The following FBXO32 variants were observed in gnomAD, a reference collection of about 807,000 sequenced individuals.
The protein encoded by FBXO32 is F-box only protein 32.
A neutral mutation model predicts 48.3 loss-of-function variants in FBXO32; 15 were observed. The observed-to-expected ratio is 0.31, with a 90% CI of 0.21 to 0.48. The LOEUF (loss-of-function observed/expected upper bound fraction) is 0.48. Ranked by LOEUF, FBXO32 falls within the 20% of genes least tolerant of loss-of-function variation. FBXO32 has a pLI of 0.99. For synonymous variants in FBXO32, 154 were observed against 165.9 expected, an observed-to-expected ratio of 0.93 and a Z score of 0.55; for missense variants, 309 against 432.7, an observed-to-expected ratio of 0.71 and a Z score of 2.54.
At chr8:123,515,947 G>A (rs919038757) in intron 4 of FBXO32, among the ~76,000 whole-genome samples, 3 of 152,138 alleles carry the variant, frequency 2.0e-5, no homozygotes, top group African/African-American at 2.4e-5. Context: ...AGCCGAGATC[G>A]TGCCATTGAA....
chr8:123,537,037 G>C (rs1817322391), intron 1 of FBXO32, among the ~76,000 whole-genome samples: 1 of 152,194 alleles, frequency 6.6e-6, no homozygotes, highest in Non-Finnish European at 1.5e-5. Flanking sequence ...AGATTCCGGA[G>C]GAAGGGCCTG....
At chr8:123,512,293 A>C (rs1237214969) in intron 6 of FBXO32, among the ~76,000 whole-genome samples, 2 of 152,186 alleles carry the variant, frequency 1.3e-5, no homozygotes, top group African/African-American at 4.8e-5. Context: ...TAAAGTCAGG[A>C]ACATGCATTT....
rs1326471202 is a variant in FBXO32 at position 123,500,533 on chromosome 8, TG to T, written c.*2839del. ...GTTTGATAGGTCAGGTTGTCTGGGA[TG>T]GTTTGCCAATAGAAATTCTATAGAC... On this transcript the variant is annotated 3_prime_UTR_variant, in exon 9 of 9. Transcript: ENST00000517956. The T allele has an allele frequency of 3.3e-5, 5 of 152,332 alleles. No individual in the cohort carries two copies. In the East Asian group the frequency reaches 5.8e-4, roughly 18 times the overall value. The allele number at this position is 152,332 out of a possible 1,614,324, so 9.4% of individuals were successfully genotyped here.
chr8:123,539,773 C>T (rs1430083501), intron 1 of FBXO32, among the ~76,000 whole-genome samples: 2 of 152,158 alleles, frequency 1.3e-5, no homozygotes, highest in South Asian at 4.1e-4. Context: ...TCTCAGTAAG[C>T]GGGAACCTGG....
intron 1 of FBXO32, among the ~76,000 whole-genome samples, chr8:123,539,213 G>C (rs897867286): frequency 3.3e-5 from 5 of 152,090 alleles, no homozygotes; most frequent in African/African-American, 1.2e-4. Flanking sequence ...GGAGCATCCT[G>C]CAATTATATT....
rs1816530541 is a variant in FBXO32, at chr8:123,503,091, A to G, written c.*282T>C. 1.3e-5 allele frequency: 3 copies of G among 238,352 alleles called. No individual in the cohort carries two copies. Among genetic ancestry groups the G allele is most frequent in the African/African-American group, 4.5e-5 (2 of 44,290 alleles). The allele number at this position is 238,352 out of a possible 1,614,324, so 14.8% of individuals were successfully genotyped here. ...AGAGGACTCCATTTTCACCGCTGAA[A>G]TAGAATTATTGCCCTTATAGTCTTG... is the stretch of plus-strand genomic sequence containing the variant. On this transcript the variant is annotated 3_prime_UTR_variant, in exon 9 of 9. Coordinates refer to ENST00000517956, the MANE Select transcript of FBXO32 (RefSeq NM_058229.4).
intron 7 of FBXO32, among the ~76,000 whole-genome samples, chr8:123,505,944 T>C (rs1816608237): frequency 6.6e-6 from 1 of 151,728 alleles, no homozygotes; most frequent in Non-Finnish European, 1.5e-5. Flanking sequence ...TCAGACAGGG[T>C]GGGCATGGGG....
At chr8:123,523,052 A>T (rs16898508) in intron 4 of FBXO32, among the ~76,000 whole-genome samples, 10 of 152,066 alleles carry the variant, frequency 6.6e-5, no homozygotes, top group African/African-American at 2.4e-4. Context: ...GGAGACCTAG[A>T]AGGAGGATGC....
Position 123,500,644 on chromosome 8 carries a change from C to A in FBXO32, c.*2729G>T, listed in dbSNP as rs1211532630. The stretch of plus-strand genomic sequence containing the variant: ...GCCATACTTAACAGATACCACGTGG[C>A]ACTAACACAGATATGTTGTGCCTGC... On this transcript the variant is annotated 3_prime_UTR_variant, in exon 9 of 9. Coordinates refer to ENST00000517956, the MANE Select transcript of FBXO32 (RefSeq NM_058229.4). 1 of 152,228 alleles carries A rather than the reference C, an allele frequency of 6.6e-6. No homozygotes were observed. The highest frequency in any genetic ancestry group is 1.5e-5 in the Non-Finnish European group (1 of 68,062). 9.4% of individuals were successfully genotyped at this position (152,228 alleles called of 1,614,324 possible).
rs771272676 is a variant in FBXO32 at position 123,503,557 on chromosome 8, T to G, written c.979-95A>C. On this transcript the variant is annotated intron_variant, in intron 8 of 8. Transcript: ENST00000517956. ...TTTTCCAACTTCAAAGCAACAATTC[T>G]CTGTCAATAATGCCCCAGGCCTAAA... 5.8e-6 allele frequency: 5 copies of G among 859,880 alleles called. No homozygotes were observed. The African/African-American group carries it at 6.7e-5, about 12-fold the overall frequency. The allele number at this position is 859,880 out of a possible 1,614,324, so 53.3% of individuals were successfully genotyped here.
In FBXO32 at chr8:123,525,800, C is replaced by G. The variant is rs1254843994; in HGVS notation, c.372+6098G>C. On this transcript the variant is annotated intron_variant, in intron 4 of 8. Transcript: ENST00000517956. The surrounding 1 kb of genome is among the most constrained non-coding windows in gnomAD (Gnocchi z 4.3). ...TGTGCTTATCAAAGACGTAGATATA[C>G]AAAGATGGAATTCGTAAACCACAAA... Among the ~76,000 whole-genome samples the G allele has an allele frequency of 6.6e-6, 1 of 152,122 alleles. No individual in the cohort carries two copies. The highest frequency in any genetic ancestry group is 1.5e-5 in the Non-Finnish European group (1 of 68,032).
At chr8:123,531,751 G>T (rs924257802) in intron 4 of FBXO32, 147 bp downstream of exon 4, 2 of 878,010 alleles carry the variant, frequency 2.3e-6, no homozygotes, top group Admixed American at 5.8e-5. Context: ...TGGGGAAGAA[G>T]GAGATTGAGG....
intron 1 of FBXO32, 22 bp from the exon 2 acceptor site, chr8:123,534,836 G>A: frequency 6.7e-7 from 1 of 1,502,886 alleles, no homozygotes; most frequent in Non-Finnish European, 9.3e-7. Flanking sequence ...AGAAGACAAA[G>A]AGGATGAGCT....
At position 123,512,409 on chromosome 8, in the gene FBXO32, C is replaced by T. The variant is rs908195152; in HGVS notation, c.651+789G>A. 2.6e-5 allele frequency among the ~76,000 whole-genome samples: 4 copies of T among 152,050 alleles called. No individual in the cohort carries two copies. The East Asian group carries it at 7.7e-4, about 29-fold the overall frequency. ...CCTCAAACTTTATCAGTGTGGGTCCCGGAAACCACTTAAGCCAGTTACAGT... is the reference window on the plus strand; with the variant it reads ...CCTCAAACTTTATCAGTGTGGGTCCTGGAAACCACTTAAGCCAGTTACAGT... On this transcript the variant is annotated intron_variant, in intron 6 of 8. Coordinates refer to ENST00000517956, the MANE Select transcript of FBXO32 (RefSeq NM_058229.4).
At chr8:123,523,645 A>C (rs1287872428) in intron 4 of FBXO32, among the ~76,000 whole-genome samples, 1 of 152,092 alleles carries the variant, frequency 6.6e-6, no homozygotes, top group Non-Finnish European at 1.5e-5. Flanking sequence ...AAAAAAAAGA[A>C]AGAAAACACT....
intron 4 of FBXO32, among the ~76,000 whole-genome samples, chr8:123,524,862 T>G (rs1005081568): frequency 1.3e-5 from 2 of 152,320 alleles, no homozygotes; most frequent in African/African-American, 4.8e-5. Context: ...CTCTTTTGGC[T>G]TTATTGCTGC....
At chr8:123,515,011 G>A (rs1173720786) in intron 4 of FBXO32, among the ~76,000 whole-genome samples, 1 of 152,182 alleles carries the variant, frequency 6.6e-6, no homozygotes, top group Non-Finnish European at 1.5e-5. Flanking sequence ...ATTTGAACAT[G>A]TATTAGCTCC....
intron 4 of FBXO32, among the ~76,000 whole-genome samples, chr8:123,522,786 G>A (rs564267223): frequency 4.6e-5 from 7 of 152,072 alleles, no homozygotes; most frequent in African/African-American, 9.7e-5. Flanking sequence ...AATCCTGGCC[G>A]TCCCTCAAGG....
chr8:123,519,427 T>C lies in FBXO32; in HGVS notation c.373-5094A>G, dbSNP rs950000484. Among the ~76,000 whole-genome samples, 8 of 151,416 alleles carry C rather than the reference T, an allele frequency of 5.3e-5. No individual in the cohort carries two copies. The South Asian group carries it at 6.3e-4, about 12-fold the overall frequency. On this transcript the variant is annotated intron_variant, in intron 4 of 8. Transcript: ENST00000517956. The stretch of plus-strand genomic sequence containing the variant: ...TTAGCCGGATGCGGTGGCGGGTGCC[T>C]GTAGTCCCAGCTACTCAGGAGGCTG...
Sources: gnomAD v4.1 joint callset for allele counts (sites outside exome capture counted in the v4.1 genomes callset) on GRCh38, gnomAD v4.1.1 for gene constraint, Gnocchi (gnomAD v3.1) non-coding constraint, MANE v1.5 for transcripts, NCBI Gene and HGNC (gene_info 2026-07-23, HGNC 2026-07-21) for gene names.